The following DENND2A variants were observed in gnomAD, a reference collection of about 807,000 sequenced individuals.
DENND2A encodes DENN domain-containing protein 2A.
Under a neutral mutation model 105.3 loss-of-function variants are expected in DENND2A, and 53 were observed. The observed-to-expected ratio is 0.50, with a 90% CI of 0.40 to 0.63. The LOEUF is 0.63. DENND2A is among the 30% of genes least tolerant of loss of function. The probability of loss-of-function intolerance (pLI) is 0.00; values close to 1 mark genes in which losing one functional copy is unlikely to be tolerated. For synonymous variants in DENND2A, 522 were observed against 508.4 expected, an observed-to-expected ratio of 1.03 and a Z score of -0.36; for missense variants, 1,138 against 1,279.6, an observed-to-expected ratio of 0.89 and a Z score of 1.69.
chr7:140,617,798 T>C lies in DENND2A; in HGVS notation c.-247-11992A>G, dbSNP rs542231467. Among the ~76,000 whole-genome samples, 15 of 152,300 alleles carry C rather than the reference T, an allele frequency of 9.8e-5. No homozygotes were observed. The East Asian group carries it at 2.7e-3, about 27-fold the overall frequency. ...GTCTGACAAATGAAGCCGCTGGGAA[T>C]CTGTGGCTCGGGCAGCCTGACTGGA... is the stretch of plus-strand genomic sequence containing the variant. On this transcript the variant is annotated intron_variant, in intron 1 of 19. Transcript: ENST00000496613.
chr7:140,603,887 T>C (rs990572726), intron 2 of DENND2A, among the ~76,000 whole-genome samples: 2 of 152,224 alleles, frequency 1.3e-5, no homozygotes, highest in Non-Finnish European at 2.9e-5. Flanking sequence ...CATCACTGAA[T>C]AAAGTTTTGG....
intron 5 of DENND2A, among the ~76,000 whole-genome samples, chr7:140,576,045 ATTATTTT>A (rs1176634742): frequency 6.7e-6 from 1 of 149,950 alleles, no homozygotes; most frequent in Non-Finnish European, 1.5e-5. Context: ...TATATATATA[ATTATTTT>A]TACATCATTG....
rs769685209 is a variant in DENND2A, at chr7:140,546,147, C to T, written c.2178+652G>A. Among the ~76,000 whole-genome samples the T allele has an allele frequency of 5.9e-5, 9 of 152,028 alleles. No individual in the cohort carries two copies. The East Asian group carries it at 7.7e-4, about 13-fold the overall frequency. On this transcript the variant is annotated intron_variant, in intron 13 of 19. Coordinates refer to ENST00000496613, the MANE Select transcript of DENND2A (RefSeq NM_015689.5). ...ATAAAATCCCAGCCCAGGCTGGGCG[C>T]GGTGGCTCACGCCTGTAATCCTAGC...
intron 11 of DENND2A, among the ~76,000 whole-genome samples, chr7:140,557,633 G>A (rs1392906855): frequency 2.3e-5 from 3 of 132,016 alleles, no homozygotes; most frequent in East Asian, 2.6e-4. Flanking sequence ...TCCGCCTCCC[G>A]GGTTCACGCC....
chr7:140,569,556 T>C (rs2130600276), intron 7 of DENND2A, 89 bp downstream of exon 7: 1 of 903,686 alleles, frequency 1.1e-6, no homozygotes. Context: ...TCCTCCTTGG[T>C]GAGCCAACCA....
intron 14 of DENND2A, among the ~76,000 whole-genome samples, chr7:140,540,555 G>A (rs4236489): frequency 0.36 from 54,594 of 152,048 alleles, 12,257 homozygotes; most frequent in Non-Finnish European, 0.49. Flanking sequence ...GTCCACTCTC[G>A]GCCACTGGAC....
At chr7:140,604,333 T>C (rs1799618798) in intron 2 of DENND2A, among the ~76,000 whole-genome samples, 1 of 152,268 alleles carries the variant, frequency 6.6e-6, no homozygotes, top group Non-Finnish European at 1.5e-5. Flanking sequence ...AATAGAAACT[T>C]GCGAAAACGC....
At chr7:140,606,782 T>C (rs1799702088) in intron 1 of DENND2A, among the ~76,000 whole-genome samples, 1 of 152,170 alleles carries the variant, frequency 6.6e-6, no homozygotes. Flanking sequence ...CCTGTGTGGA[T>C]ACCAAGGCAG....
At chr7:140,568,349 C>T (rs938056924) in intron 8 of DENND2A, among the ~76,000 whole-genome samples, 3 of 152,158 alleles carry the variant, frequency 2.0e-5, no homozygotes. Context: ...CCAATTATTT[C>T]AACAACTTCA....
chr7:140,534,081 A>ATT (rs3042407), intron 14 of DENND2A, among the ~76,000 whole-genome samples: 2,657 of 80,068 alleles, frequency 0.033, 247 homozygotes, highest in African/African-American at 0.092. Flanking sequence ...TGCCTGGTTA[A>ATT]TTTTTTTTTT....
At position 140,559,696 on chromosome 7, in the gene DENND2A, G is replaced by C; in HGVS notation, c.1889+12C>G. On this transcript the variant is annotated intron_variant, in intron 10 of 19. Transcript: ENST00000496613. This position sits in a 1 kb window ranked among gnomAD's most constrained non-coding sequence, Gnocchi z 4.1. ...GTCTTTGGGGCTGCGAAGGGGAGAA[G>C]CCAGCTCGTACCTGGTGAACTGCTG... The C allele has an allele frequency of 1.2e-6, 2 of 1,603,938 alleles. No individual in the cohort carries two copies. The highest frequency in any genetic ancestry group is 1.7e-6 in the Non-Finnish European group (2 of 1,170,814).
intron 4 of DENND2A, among the ~76,000 whole-genome samples, chr7:140,585,959 C>A (rs139482423): frequency 6.6e-6 from 1 of 152,220 alleles, no homozygotes; most frequent in East Asian, 1.9e-4. Flanking sequence ...ATCTAGGTAT[C>A]CCAAATCCCT....
intron 12 of DENND2A, among the ~76,000 whole-genome samples, chr7:140,554,870 T>C (rs192155933): frequency 3.3e-5 from 5 of 152,332 alleles, no homozygotes; most frequent in Middle Eastern, 3.4e-3. Context: ...TTGATAAACT[T>C]AGAGCACTAT....
At position 140,601,877 on chromosome 7, in the gene DENND2A, G is replaced by A. The variant is rs759354546; in HGVS notation, c.521C>T (p.Ser174Leu). Residue 174 changes from serine to leucine, a missense_variant, in exon 3 of 20, where the codon TCG becomes TTG. Physicochemically the swap from Ser to Leu is moderately radical, Grantham distance 145. Transcript: ENST00000496613. Reference protein sequence around the residue: ...KKLEQALKDGSAGLDPQLPGT... With the variant: ...KKLEQALKDGLAGLDPQLPGT... Reference sequence around the variant, plus strand: ...TGGTAACTGGGGATCCAGCCCTGCCGACCCATCCTTCAAAGCCTGCTCGAG... The same window carrying A: ...TGGTAACTGGGGATCCAGCCCTGCCAACCCATCCTTCAAAGCCTGCTCGAG... The A allele has an allele frequency of 1.5e-5, 25 of 1,614,170 alleles. No individual in the cohort carries two copies. The highest frequency in any genetic ancestry group is 2.0e-5 in the Non-Finnish European group (24 of 1,180,028).
chr7:140,633,588 G>A (rs1800813519), intron 1 of DENND2A, among the ~76,000 whole-genome samples: 1 of 152,322 alleles, frequency 6.6e-6, no homozygotes, highest in Middle Eastern at 3.4e-3. Flanking sequence ...CTGCTGAGAA[G>A]TGGGGAAGTG....
chr7:140,579,608 G>T lies in DENND2A; in HGVS notation c.1246-5600C>A, dbSNP rs1263942473. Among the ~76,000 whole-genome samples, 3 of 151,842 alleles carry T rather than the reference G, an allele frequency of 2.0e-5. 1 individual carries two copies. The highest frequency in any genetic ancestry group is 4.8e-5 in the African/African-American group (2 of 41,362). ...AGGTTTTGCCATGTTTGCCAGGCTG[G>T]TTACAAACTCCTGACCTCAGTTGAT... On this transcript the variant is annotated intron_variant, in intron 5 of 19. Transcript: ENST00000496613.
chr7:140,631,048 C>T (rs572719689), intron 1 of DENND2A, among the ~76,000 whole-genome samples: 14 of 152,170 alleles, frequency 9.2e-5, no homozygotes, highest in Admixed American at 2.6e-4. Context: ...TGACAAGTGG[C>T]GCAGATTCAT....
chr7:140,540,382 C>T (rs73487632), intron 14 of DENND2A, among the ~76,000 whole-genome samples: 5,002 of 152,326 alleles, frequency 0.033, 253 homozygotes, highest in African/African-American at 0.11. Context: ...TTTGAAAAGA[C>T]GAAACCTCCA....
In DENND2A at chr7:140,569,788, T is replaced by G. The variant is rs754014300; in HGVS notation, c.1447-50A>C. On this transcript the variant is annotated intron_variant, in intron 6 of 19. Coordinates refer to ENST00000496613, the MANE Select transcript of DENND2A (RefSeq NM_015689.5). The stretch of plus-strand genomic sequence containing the variant: ...GCCAGTGTTAGCAGCCCACTCTCTG[T>G]GGCAGCTGGGCTTCCCTCACTGCCC... 62 of 1,343,518 alleles carry G rather than the reference T, an allele frequency of 4.6e-5. 2 individuals carry two copies. In the South Asian group the frequency reaches 7.1e-4, roughly 15 times the overall value. The allele number at this position is 1,343,518 out of a possible 1,614,324, so 83.2% of individuals were successfully genotyped here.
Sources: allele counts gnomAD v4.1 joint callset (sites outside exome capture counted in the v4.1 genomes callset), GRCh38; gene constraint gnomAD v4.1.1; non-coding constraint Gnocchi (gnomAD v3.1); transcripts MANE v1.5; gene names NCBI Gene and HGNC (gene_info 2026-07-23, HGNC 2026-07-21).